Variants in CAMTA1 observed in about 807,000 individuals in gnomAD.
CAMTA1 encodes calmodulin-binding transcription activator 1.
Under a neutral mutation model 170.9 loss-of-function variants are expected in CAMTA1, and 27 were observed. The observed-to-expected ratio is 0.16, with a 90% CI of 0.12 to 0.22. The LOEUF is 0.22. CAMTA1 is among the 10% of genes least tolerant of loss of function. CAMTA1 has a pLI of 1.00. For synonymous variants in CAMTA1, 833 were observed against 891.5 expected (o/e 0.93, Z 1.17); for missense variants, 1,619 against 2,217.2 (o/e 0.73, Z 5.42).
intron 5 of CAMTA1, among the ~76,000 whole-genome samples, chr1:7,256,951 G>A (rs572352626): frequency 3.9e-5 from 6 of 152,228 alleles, no homozygotes; most frequent in African/African-American, 1.4e-4. Flanking sequence ...CTTACATGGT[G>A]GGAGGGCAGG....
chr1:6,812,410 A>G (rs1219257965), intron 1 of CAMTA1, among the ~76,000 whole-genome samples: 2 of 152,232 alleles, frequency 1.3e-5, no homozygotes, highest in African/African-American at 2.4e-5. Flanking sequence ...TTATACGTAC[A>G]TAATATTGAA....
rs1230120320 is a variant in CAMTA1, at chr1:7,103,921, TACAC to T, written c.302+12554_302+12557del. On this transcript the variant is annotated intron_variant, in intron 4 of 22. Coordinates refer to ENST00000303635, the MANE Select transcript of CAMTA1 (RefSeq NM_015215.4). ...ACACAACTACACGCGCACTCACACA[TACAC>T]ACAACTACACACATACAGCACACAC... Among the ~76,000 whole-genome samples the T allele has an allele frequency of 2.8e-4, 33 of 117,008 alleles. No individual in the cohort carries two copies. In the East Asian group the frequency reaches 6.2e-3, roughly 22 times the overall value. The allele number at this position is 117,008 out of a possible 152,430, so 76.8% of individuals were successfully genotyped here.
At chr1:7,155,087 G>A (rs567050189) in intron 4 of CAMTA1, among the ~76,000 whole-genome samples, 7 of 152,302 alleles carry the variant, frequency 4.6e-5, no homozygotes, top group African/African-American at 1.7e-4. Flanking sequence ...ATCAGTGCCA[G>A]TGAGTGAGAG....
chr1:7,752,094 C>T (rs1421926747), intron 20 of CAMTA1, among the ~76,000 whole-genome samples: 1 of 152,176 alleles, frequency 6.6e-6, no homozygotes, highest in Non-Finnish European at 1.5e-5. Context: ...GTATCAACTC[C>T]GGTGAATCAC....
At chr1:7,087,262 G>C (rs1640875764) in intron 3 of CAMTA1, among the ~76,000 whole-genome samples, 1 of 152,200 alleles carries the variant, frequency 6.6e-6, no homozygotes, top group Non-Finnish European at 1.5e-5. Context: ...TCTGTGTGTT[G>C]CTTTTTCCCT....
At chr1:7,029,432 G>A (rs1234326418) in intron 3 of CAMTA1, among the ~76,000 whole-genome samples, 1 of 146,836 alleles carries the variant, frequency 6.8e-6, no homozygotes, top group African/African-American at 2.6e-5. Context: ...AACCCAGGAG[G>A]CAGAGCTTGC....
At chr1:7,337,170 C>A (rs149622379) in intron 5 of CAMTA1, among the ~76,000 whole-genome samples, 12 of 152,280 alleles carry the variant, frequency 7.9e-5, no homozygotes, top group Admixed American at 2.6e-4. Context: ...TTCTAGGAGG[C>A]CTGGCTTAGA....
chr1:7,084,549 C>T (rs1378070396), intron 3 of CAMTA1, among the ~76,000 whole-genome samples: 1 of 152,228 alleles, frequency 6.6e-6, no homozygotes, highest in Non-Finnish European at 1.5e-5. Flanking sequence ...TCCCCACACA[C>T]TGGAGGGGAC....
intron 1 of CAMTA1, among the ~76,000 whole-genome samples, chr1:6,812,017 G>A (rs1002216629): frequency 6.6e-6 from 1 of 152,184 alleles, no homozygotes; most frequent in Non-Finnish European, 1.5e-5. Flanking sequence ...CCTTCTAGGT[G>A]TATGTGGTAG....
intron 3 of CAMTA1, among the ~76,000 whole-genome samples, chr1:6,891,355 T>C (rs568150336): frequency 6.6e-6 from 1 of 152,358 alleles, no homozygotes; most frequent in Admixed American, 6.5e-5. Flanking sequence ...TTTACCACTT[T>C]GCTAAGACAG....
chr1:7,524,447 T>A (rs1479172408), intron 6 of CAMTA1, among the ~76,000 whole-genome samples: 1 of 152,214 alleles, frequency 6.6e-6, no homozygotes, highest in Non-Finnish European at 1.5e-5. Context: ...TATTTCTTCC[T>A]GTCCCATCAG....
intron 11 of CAMTA1, among the ~76,000 whole-genome samples, chr1:7,679,575 G>GGCCC (rs2096164091): frequency 9.7e-6 from 1 of 103,578 alleles, no homozygotes. Context: ...CTCCCTAGCT[G>GGCCC]CCCCCCCCCC....
intron 11 of CAMTA1, among the ~76,000 whole-genome samples, chr1:7,704,071 C>G (rs1484110673): frequency 6.6e-6 from 1 of 151,848 alleles, no homozygotes; most frequent in Non-Finnish European, 1.5e-5. Flanking sequence ...CCCGGGTCCT[C>G]GGGCCCCGGC....
At chr1:7,080,514 A>G (rs1639866416) in intron 3 of CAMTA1, among the ~76,000 whole-genome samples, 1 of 152,182 alleles carries the variant, frequency 6.6e-6, no homozygotes, top group African/African-American at 2.4e-5. Context: ...GATTGTAAAC[A>G]TCTTCAGCAC....
chr1:6,943,824 G>A (rs980304534), intron 3 of CAMTA1, among the ~76,000 whole-genome samples: 8 of 140,938 alleles, frequency 5.7e-5, no homozygotes, highest in African/African-American at 1.6e-4. Context: ...TCCAGCTTGG[G>A]TGACAGAAGG....
intron 5 of CAMTA1, among the ~76,000 whole-genome samples, chr1:7,279,913 C>T (rs1396041636): frequency 6.6e-6 from 1 of 152,092 alleles, no homozygotes; most frequent in Non-Finnish European, 1.5e-5. Flanking sequence ...ATCCAGAGTC[C>T]CCTCCTCTCC....
chr1:7,283,570 A>G (rs1467751365), intron 5 of CAMTA1, among the ~76,000 whole-genome samples: 1 of 151,672 alleles, frequency 6.6e-6, no homozygotes, highest in African/African-American at 2.4e-5. Context: ...GACTCTTTGG[A>G]CTCCCCTAAG....
At chr1:7,485,773 C>T (rs2093609997) in intron 6 of CAMTA1, among the ~76,000 whole-genome samples, 1 of 152,238 alleles carries the variant, frequency 6.6e-6, no homozygotes, top group African/African-American at 2.4e-5. Flanking sequence ...TATCCAGGGA[C>T]ACCCAGTGAC....
intron 3 of CAMTA1, among the ~76,000 whole-genome samples, chr1:6,916,293 C>T (rs879521208): frequency 1.3e-5 from 2 of 152,128 alleles, no homozygotes; most frequent in African/African-American, 4.8e-5. Flanking sequence ...GAAAGCTCAT[C>T]CGTTTTCCAA....
Sources: gnomAD v4.1 joint callset for allele counts (sites outside exome capture counted in the v4.1 genomes callset) on GRCh38, gnomAD v4.1.1 for gene constraint, MANE v1.5 for transcripts, NCBI Gene and HGNC (gene_info 2026-07-23, HGNC 2026-07-21) for gene names.